The following FSTL4 variants were observed in gnomAD, a reference collection of about 807,000 sequenced individuals.
The protein encoded by FSTL4 is follistatin-related protein 4.
Under a neutral mutation model 78.2 loss-of-function variants are expected in FSTL4, and 28 were observed. The ratio of observed to expected loss-of-function variants is 0.36; its 90% confidence interval spans 0.27 to 0.49. The LOEUF (loss-of-function observed/expected upper bound fraction) is 0.49. Among genes scored for constraint, FSTL4 ranks in the 20% least tolerant of loss-of-function variants. The probability of loss-of-function intolerance (pLI) is 0.98; values close to 1 mark genes in which losing one functional copy is unlikely to be tolerated. For missense variants in FSTL4, 922 were observed against 1,084.9 expected, an observed-to-expected ratio of 0.85 and a Z score of 2.11; for synonymous variants, 422 against 440.5, an observed-to-expected ratio of 0.96 and a Z score of 0.53.
the FSTL4 span, among the ~76,000 whole-genome samples, chr5:133,701,506 CACA>C: frequency 2.3e-5 from 3 of 130,534 alleles, no homozygotes; most frequent in African/African-American, 6.1e-5. Flanking sequence ...CACACACACA[CACA>C]CCCCACAGGC....
the FSTL4 span, among the ~76,000 whole-genome samples, chr5:133,763,232 G>A: frequency 9.2e-5 from 14 of 152,176 alleles, no homozygotes; most frequent in Non-Finnish European, 1.0e-4. Context: ...TCTGGGATAG[G>A]CCACTGGCCA....
chr5:133,720,594 A>T, the FSTL4 span: 1 of 153,728 alleles, frequency 6.5e-6, no homozygotes, highest in Non-Finnish European at 1.5e-5. Flanking sequence ...GTTTTCTACC[A>T]CATTGGCTAC....
chr5:133,609,480 G>A (rs1761044481), intron 1 of FSTL4, among the ~76,000 whole-genome samples: 1 of 152,100 alleles, frequency 6.6e-6, no homozygotes, highest in African/African-American at 2.4e-5. Context: ...CCTCTCAAAG[G>A]CTTACGACCC....
chr5:133,745,947 T>G, the FSTL4 span, among the ~76,000 whole-genome samples: 1 of 152,208 alleles, frequency 6.6e-6, no homozygotes. Flanking sequence ...GAAGGGACAG[T>G]TAATGATTTC....
chr5:133,738,119 G>A, the FSTL4 span, among the ~76,000 whole-genome samples: 4 of 152,072 alleles, frequency 2.6e-5, no homozygotes, highest in South Asian at 2.1e-4. Context: ...GTCTTCATCC[G>A]TGGCTCCCAC....
At chr5:133,374,639 G>A (rs1049424561) in intron 4 of FSTL4, among the ~76,000 whole-genome samples, 23 of 152,004 alleles carry the variant, frequency 1.5e-4, no homozygotes, top group Admixed American at 1.1e-3. Context: ...TGGAGGTGAG[G>A]TGTCTGTTAG....
intron 6 of FSTL4, among the ~76,000 whole-genome samples, chr5:133,306,903 C>G (rs1753670268): frequency 6.6e-6 from 1 of 152,172 alleles, no homozygotes; most frequent in Non-Finnish European, 1.5e-5. Flanking sequence ...GGGGCACACA[C>G]AGAAATCTTC....
At chr5:133,572,287 A>G (rs1760174612) in intron 2 of FSTL4, among the ~76,000 whole-genome samples, 2 of 152,180 alleles carry the variant, frequency 1.3e-5, no homozygotes, top group African/African-American at 2.4e-5. Context: ...TTTAACTTTT[A>G]TTTGAAGTTC....
At chr5:133,664,916 G>A in the FSTL4 span, among the ~76,000 whole-genome samples, 1 of 152,180 alleles carries the variant, frequency 6.6e-6, no homozygotes, top group South Asian at 2.1e-4. Flanking sequence ...CCTTGATTAG[G>A]ATATGAAATC....
chr5:133,517,622 G>A (rs958987298), intron 3 of FSTL4, among the ~76,000 whole-genome samples: 1 of 149,450 alleles, frequency 6.7e-6, no homozygotes, highest in African/African-American at 2.5e-5. Flanking sequence ...GTGTGTGTGT[G>A]TGTGTGTGTG....
chr5:133,410,636 C>T (rs889138704), intron 3 of FSTL4, among the ~76,000 whole-genome samples: 4 of 152,194 alleles, frequency 2.6e-5, no homozygotes, highest in African/African-American at 7.2e-5. Flanking sequence ...ACAAGGGCCG[C>T]CCCGGTCCGC....
chr5:133,644,635 A>G, the FSTL4 span, among the ~76,000 whole-genome samples: 2 of 152,136 alleles, frequency 1.3e-5, no homozygotes, highest in African/African-American at 4.8e-5. Flanking sequence ...TTTCCTACTC[A>G]TTGTTCACTT....
At chr5:133,226,916 T>C (rs1751351808) in intron 8 of FSTL4, among the ~76,000 whole-genome samples, 1 of 152,074 alleles carries the variant, frequency 6.6e-6, no homozygotes, top group African/African-American at 2.4e-5. Context: ...TTGTGATGCA[T>C]GTGGGGTGGG....
Position 133,199,923 on chromosome 5 carries a change from A to G in FSTL4, c.1827-126T>C, listed in dbSNP as rs1224686095. The G allele has an allele frequency of 4.9e-6, 3 of 607,790 alleles. No homozygotes were observed. Among genetic ancestry groups the G allele is most frequent in the Admixed American group, 3.0e-5 (1 of 33,846 alleles). 37.6% of individuals were successfully genotyped at this position (607,790 alleles called of 1,614,324 possible). A position where few individuals can be genotyped will look rare whatever the true frequency, so the allele number is the denominator to read the frequency against. ...TCCTTCAGTGATCTAATAGCCTAGT[A>G]ATAAGATCTATCATTCTGCAGGGGA... is the stretch of plus-strand genomic sequence containing the variant. On this transcript the variant is annotated intron_variant, in intron 15 of 15. Coordinates refer to ENST00000265342, the MANE Select transcript of FSTL4 (RefSeq NM_015082.2). The surrounding 1 kb of genome is among the most constrained non-coding windows in gnomAD (Gnocchi z 4.4).
At chr5:133,680,326 G>C in the FSTL4 span, among the ~76,000 whole-genome samples, 1 of 152,200 alleles carries the variant, frequency 6.6e-6, no homozygotes, top group African/African-American at 2.4e-5. Context: ...GCGGCTAAGA[G>C]AGGGGGCACA....
intron 3 of FSTL4, among the ~76,000 whole-genome samples, chr5:133,458,645 G>C (rs1175181476): frequency 6.6e-6 from 1 of 152,220 alleles, no homozygotes; most frequent in Admixed American, 6.5e-5. Flanking sequence ...CCCATCTGTG[G>C]ACTGGGGATG....
intron 3 of FSTL4, among the ~76,000 whole-genome samples, chr5:133,411,436 G>A (rs1756475718): frequency 6.6e-6 from 1 of 152,162 alleles, no homozygotes; most frequent in Non-Finnish European, 1.5e-5. Context: ...GAGATGTCAA[G>A]TCTTCCAAGG....
chr5:133,493,770 C>T (rs187842818), intron 3 of FSTL4, among the ~76,000 whole-genome samples: 8 of 152,260 alleles, frequency 5.3e-5, no homozygotes, highest in Non-Finnish European at 8.8e-5. Flanking sequence ...CCTTCAAGTC[C>T]AGTCATATAT....
intron 3 of FSTL4, among the ~76,000 whole-genome samples, chr5:133,467,127 GGTGT>G (rs774667496): frequency 3.1e-4 from 46 of 150,388 alleles, no homozygotes; most frequent in African/African-American, 1.1e-3. Context: ...TATGTATGTG[GGTGT>G]GTGTGTGTAT....
Sources: allele counts gnomAD v4.1 joint callset (sites outside exome capture counted in the v4.1 genomes callset), GRCh38; gene constraint gnomAD v4.1.1; non-coding constraint Gnocchi (gnomAD v3.1); transcripts MANE v1.5; gene names NCBI Gene and HGNC (gene_info 2026-07-23, HGNC 2026-07-21).